The following CA10 variants were observed in gnomAD, a reference collection of about 807,000 sequenced individuals.
CA10 encodes the protein carbonic anhydrase-related protein 10.
In CA10, 14 loss-of-function variants were observed where a neutral mutation model predicts 44.2. That is an observed-to-expected ratio of 0.32 (90% CI 0.21 to 0.50). The LOEUF (loss-of-function observed/expected upper bound fraction) is 0.50. Ranked by LOEUF, CA10 falls within the 20% of genes least tolerant of loss-of-function variation. The pLI is 0.99. For missense variants in CA10, 350 were observed against 409.7 expected (o/e 0.85, Z 1.26); for synonymous variants, 159 against 141.6 (o/e 1.12, Z -0.87).
rs137905119 is a variant in CA10 at position 51,774,245 on chromosome 17, G to A, written c.280-26427C>T. The stretch of plus-strand genomic sequence containing the variant: ...GTTCAACCCATGAAGCTGTCAGGCT[G>A]TCAGAATGTAAGCACCAAACTAGAA... On this transcript the variant is annotated intron_variant, in intron 3 of 8. Transcript: ENST00000451037. 3.3e-4 allele frequency among the ~76,000 whole-genome samples: 50 copies of A among 152,326 alleles called. 1 individual carries two copies. Among genetic ancestry groups the A allele is most frequent in the Admixed American group, 3.2e-3 (49 of 15,302 alleles).
intron 2 of CA10, among the ~76,000 whole-genome samples, chr17:52,012,848 T>C (rs1985844220): frequency 6.6e-6 from 1 of 151,914 alleles, no homozygotes; most frequent in South Asian, 2.1e-4. Flanking sequence ...TGTCCTATTT[T>C]AAAGTTAGGT....
intron 2 of CA10, among the ~76,000 whole-genome samples, chr17:51,932,680 T>TGTA (rs1387136288): frequency 6.6e-6 from 1 of 152,034 alleles, no homozygotes; most frequent in Non-Finnish European, 1.5e-5. Flanking sequence ...TGGCCTGAGT[T>TGTA]ACAGAGGGAG....
chr17:51,660,413 C>T (rs1361586948), intron 4 of CA10, among the ~76,000 whole-genome samples: 1 of 152,230 alleles, frequency 6.6e-6, no homozygotes, highest in Non-Finnish European at 1.5e-5. Context: ...ACAAGTACTC[C>T]TCTGTGTTAA....
intron 1 of CA10, among the ~76,000 whole-genome samples, chr17:52,081,522 C>T (rs1329035427): frequency 2.0e-5 from 3 of 152,064 alleles, no homozygotes; most frequent in Non-Finnish European, 4.4e-5. Flanking sequence ...ATGAAGCGGC[C>T]GGGCGCGGTG....
chr17:52,065,453 T>C (rs928012442), intron 2 of CA10, among the ~76,000 whole-genome samples: 4 of 152,164 alleles, frequency 2.6e-5, no homozygotes, highest in Admixed American at 6.5e-5. Flanking sequence ...TGGCAAACAT[T>C]GAGCCCCTGG....
intron 2 of CA10, among the ~76,000 whole-genome samples, chr17:52,057,849 T>C (rs1158369223): frequency 6.6e-6 from 1 of 152,120 alleles, no homozygotes; most frequent in African/African-American, 2.4e-5. Flanking sequence ...GCACCCAGCA[T>C]GGAACACTCC....
At chr17:51,639,022 C>T (rs150236162) in intron 6 of CA10, among the ~76,000 whole-genome samples, 8 of 152,226 alleles carry the variant, frequency 5.3e-5, no homozygotes, top group Non-Finnish European at 1.2e-4. Context: ...GCACAGACCA[C>T]ACCAGAAGGT....
At chr17:51,972,905 G>A (rs1840298569) in intron 2 of CA10, among the ~76,000 whole-genome samples, 2 of 152,112 alleles carry the variant, frequency 1.3e-5, no homozygotes, top group South Asian at 4.1e-4. Context: ...AAAAATGCAA[G>A]CATGGCTATT....
intron 3 of CA10, among the ~76,000 whole-genome samples, chr17:51,866,064 A>G (rs988189046): frequency 4.6e-5 from 7 of 152,246 alleles, no homozygotes; most frequent in African/African-American, 1.7e-4. Flanking sequence ...ATGAGGAAAT[A>G]AATGGCTATT....
At chr17:51,981,377 C>G (rs1320579812) in intron 2 of CA10, among the ~76,000 whole-genome samples, 1 of 151,968 alleles carries the variant, frequency 6.6e-6, no homozygotes, top group South Asian at 2.1e-4. Flanking sequence ...ATGCAACATG[C>G]GTGAATCTCA....
At chr17:51,816,056 C>G (rs1339769350) in intron 3 of CA10, among the ~76,000 whole-genome samples, 1 of 152,114 alleles carries the variant, frequency 6.6e-6, no homozygotes, top group East Asian at 1.9e-4. Flanking sequence ...CATTAACCAT[C>G]TCCACCTCCC....
At chr17:51,810,541 C>T (rs887417312) in intron 3 of CA10, among the ~76,000 whole-genome samples, 8 of 152,082 alleles carry the variant, frequency 5.3e-5, no homozygotes, top group Non-Finnish European at 1.0e-4. Flanking sequence ...GGTGGTGAAA[C>T]GTGCTATGCA....
chr17:51,664,492 A>G (rs1279276463), intron 4 of CA10, among the ~76,000 whole-genome samples: 1 of 151,930 alleles, frequency 6.6e-6, no homozygotes, highest in Non-Finnish European at 1.5e-5. Flanking sequence ...CTGTATTTAG[A>G]TAGAGCTAAC....
intron 1 of CA10, among the ~76,000 whole-genome samples, chr17:52,081,003 G>A (rs953659432): frequency 6.6e-5 from 10 of 152,092 alleles, no homozygotes; most frequent in Non-Finnish European, 8.8e-5. Flanking sequence ...TTAGGTGGGC[G>A]CAAAAGTAAT....
chr17:51,743,538 GCTGA>G (rs1393273542), intron 4 of CA10, among the ~76,000 whole-genome samples: 3 of 152,162 alleles, frequency 2.0e-5, no homozygotes, highest in African/African-American at 4.8e-5. Flanking sequence ...AAATGCAGTT[GCTGA>G]CTATGTCATA....
At chr17:51,914,707 A>G (rs1981925043) in intron 3 of CA10, among the ~76,000 whole-genome samples, 1 of 152,154 alleles carries the variant, frequency 6.6e-6, no homozygotes, top group Non-Finnish European at 1.5e-5. Flanking sequence ...CTTCTTCCTA[A>G]GCCCTTGATA....
intron 4 of CA10, among the ~76,000 whole-genome samples, chr17:51,719,357 G>A (rs1409526615): frequency 1.3e-5 from 2 of 152,128 alleles, no homozygotes; most frequent in African/African-American, 2.4e-5. Flanking sequence ...CCTGAGGTTC[G>A]CTTGTTGCTG....
rs951804176 is a variant in CA10 at position 51,705,013 on chromosome 17, C to CT, written c.465+42619dup. Reference sequence around the variant, plus strand: ...AAAAAGAAAAGAAAATCTATCACATCTTTTTTTTCATTCATCCCTGCAGTG... The same window carrying CT: ...AAAAAGAAAAGAAAATCTATCACATCTTTTTTTTTCATTCATCCCTGCAGTG... On this transcript the variant is annotated intron_variant, in intron 4 of 8. Coordinates refer to ENST00000451037, the MANE Select transcript of CA10 (RefSeq NM_020178.5). 1.3e-4 allele frequency among the ~76,000 whole-genome samples: 20 copies of CT among 151,550 alleles called. 1 individual carries two copies. The highest frequency in any genetic ancestry group is 5.8e-4 in the East Asian group (3 of 5,154).
chr17:52,032,238 G>C (rs1267553262), intron 2 of CA10, among the ~76,000 whole-genome samples: 1 of 152,158 alleles, frequency 6.6e-6, no homozygotes, highest in Non-Finnish European at 1.5e-5. Flanking sequence ...TACAGGAGCA[G>C]ATGAACTAGT....
Sources: gnomAD v4.1 joint callset for allele counts (sites outside exome capture counted in the v4.1 genomes callset) on GRCh38, gnomAD v4.1.1 for gene constraint, MANE v1.5 for transcripts, NCBI Gene and HGNC (gene_info 2026-07-23, HGNC 2026-07-21) for gene names.